SNRNP27: variants seen among roughly 807,000 people sequenced by gnomAD.
The protein encoded by SNRNP27 is small nuclear ribonucleoprotein U4/U6.U5 subunit 27.
Under a neutral mutation model 25.1 loss-of-function variants are expected in SNRNP27, and 22 were observed. That is an observed-to-expected ratio of 0.88 (90% confidence interval 0.63 to 1.25). The LOEUF (loss-of-function observed/expected upper bound fraction) is 1.25, where lower values mean the gene tolerates loss of function less well. SNRNP27 is among the 50% of genes most tolerant of loss of function. The pLI is 0.00. For synonymous variants in SNRNP27, 66 were observed against 64.9 expected, an observed-to-expected ratio of 1.02 and a Z score of -0.08; for missense variants, 150 against 202.3, an observed-to-expected ratio of 0.74 and a Z score of 1.57.
In SNRNP27 at chr2:69,904,446, A is replaced by G; in HGVS notation, c.*138A>G. On this transcript the variant is annotated 3_prime_UTR_variant, in exon 6 of 6. Coordinates refer to ENST00000244227, the MANE Select transcript of SNRNP27 (RefSeq NM_006857.3). ...GTAAAGTAAGAAAATCTTATTTATG[A>G]TATATGCAGTTAACTTACCTTGCCT... 1.4e-6 allele frequency: 1 copy of G among 734,996 alleles called. No individual in the cohort carries two copies. The highest frequency in any genetic ancestry group is 2.4e-6 in the Non-Finnish European group (1 of 413,934). 45.5% of individuals were successfully genotyped at this position (734,996 alleles called of 1,614,324 possible).
rs142103339 is a variant in SNRNP27 at position 69,896,398 on chromosome 2, G to A, written c.156-38G>A. 294 of 1,594,210 alleles carry A rather than the reference G, an allele frequency of 1.8e-4. No individual in the cohort carries two copies. The African/African-American group carries it at 3.4e-3, about 18-fold the overall frequency. On this transcript the variant is annotated intron_variant, in intron 2 of 5. Coordinates refer to ENST00000244227, the MANE Select transcript of SNRNP27 (RefSeq NM_006857.3). Reference sequence around the variant, plus strand: ...GTGCTGATTGATACAAAGTTGATATGTCTGTCTGTTTCTAACATCTTTGCT... The same window carrying A: ...GTGCTGATTGATACAAAGTTGATATATCTGTCTGTTTCTAACATCTTTGCT...
At chr2:69,899,372 C>T (rs1177790448) in intron 4 of SNRNP27, among the ~76,000 whole-genome samples, 6 of 152,004 alleles carry the variant, frequency 3.9e-5, no homozygotes, top group Non-Finnish European at 2.9e-5. Flanking sequence ...CCAGTATAGT[C>T]ACCCATTTTC....
intron 4 of SNRNP27, among the ~76,000 whole-genome samples, chr2:69,901,188 A>G (rs918706011): frequency 2.0e-5 from 3 of 151,896 alleles, no homozygotes; most frequent in Non-Finnish European, 4.4e-5. Flanking sequence ...AAAAAAAGAA[A>G]GAAAGAAAGA....
chr2:69,897,583 G>C (rs1573388924), intron 4 of SNRNP27, 127 bp downstream of exon 4: 8 of 745,616 alleles, frequency 1.1e-5, no homozygotes, highest in Non-Finnish European at 1.6e-5. Flanking sequence ...GAAGGGCTTT[G>C]AGAATACAAA....
At position 69,898,713 on chromosome 2, in the gene SNRNP27, G is replaced by A. The variant is rs149145356; in HGVS notation, c.348+1257G>A. Among the ~76,000 whole-genome samples the A allele has an allele frequency of 4.3e-3, 647 of 152,222 alleles. 6 individuals carry two copies. Among genetic ancestry groups the A allele is most frequent in the African/African-American group, 0.013 (552 of 41,528 alleles). On this transcript the variant is annotated intron_variant, in intron 4 of 5. Coordinates refer to ENST00000244227, the MANE Select transcript of SNRNP27 (RefSeq NM_006857.3). ...ACAGTGTGTAACTTAGGAGTACTGAGGCATGACTGTTTTGAGGTGAGAAAT... is the reference window on the plus strand; with the variant it reads ...ACAGTGTGTAACTTAGGAGTACTGAAGCATGACTGTTTTGAGGTGAGAAAT...
chr2:69,896,387 A>G (rs1181350993), intron 2 of SNRNP27, 49 bp from the exon 3 acceptor site: 5 of 1,570,340 alleles, frequency 3.2e-6, no homozygotes, highest in South Asian at 1.1e-5. Context: ...TGATTGATAC[A>G]AAGTTGATAT....
In SNRNP27 at chr2:69,903,182, G is replaced by A. The variant is rs373638209; in HGVS notation, c.350G>A (p.Gly117Asp). The change falls in exon 5 of 6, where the codon GGT becomes GAT. Residue 117 changes from glycine (G) to aspartate (D), a missense_variant and splice_region_variant. This residue lies in a region of SNRNP27 where 142 missense variants were observed against 168.6 expected (regional missense o/e 0.84). Transcript: ENST00000244227. ...MGFASFDSTK[G>D]KKVDGSVNAY... ...TGTTTGTTTATTGTTTTTCTTCAGG[G>A]TAAGAAGGTGGATGGCTCTGTAAAT... 1.2e-6 allele frequency: 2 copies of A among 1,611,640 alleles called. No individual in the cohort carries two copies. Among genetic ancestry groups the A allele is most frequent in the Non-Finnish European group, 1.7e-6 (2 of 1,178,012 alleles).
intron 3 of SNRNP27, among the ~76,000 whole-genome samples, chr2:69,896,911 T>C (rs1370862193): frequency 1.3e-5 from 2 of 152,140 alleles, no homozygotes; most frequent in African/African-American, 4.8e-5. Context: ...TGACCTCAGG[T>C]GATCCTCCCG....
chr2:69,903,029 A>G (rs1225771248), intron 4 of SNRNP27, 152 bp from the exon 5 acceptor site: 1 of 636,214 alleles, frequency 1.6e-6, no homozygotes. Flanking sequence ...TGCAGTCCCA[A>G]ACTCCTGGGC....
chr2:69,897,277 C>A (rs1385203641), intron 3 of SNRNP27, 100 bp from the exon 4 acceptor site: 1 of 752,506 alleles, frequency 1.3e-6, no homozygotes, highest in South Asian at 1.7e-5. Flanking sequence ...GTGTTCTCTG[C>A]TAGTGAGGTG....
intron 5 of SNRNP27, 108 bp from the exon 6 acceptor site, chr2:69,904,146 T>A: frequency 1.5e-6 from 1 of 668,078 alleles, no homozygotes; most frequent in Non-Finnish European, 2.6e-6. Flanking sequence ...CCCTAGACTT[T>A]GCTATTATAA....
chr2:69,901,244 T>G (rs1489744383), intron 4 of SNRNP27, among the ~76,000 whole-genome samples: 1 of 151,706 alleles, frequency 6.6e-6, no homozygotes, highest in African/African-American at 2.4e-5. Context: ...TTTTCAGCAG[T>G]TAGAGAAGAG....
intron 5 of SNRNP27, 54 bp from the exon 6 acceptor site, chr2:69,904,200 A>G (rs1371061367): frequency 1.8e-6 from 2 of 1,139,038 alleles, no homozygotes; most frequent in East Asian, 2.6e-5. Flanking sequence ...TTTTTTTTTT[A>G]TAAGAGGAGT....
chr2:69,902,271 T>C (rs1246171205), intron 4 of SNRNP27, among the ~76,000 whole-genome samples: 1 of 140,688 alleles, frequency 7.1e-6, no homozygotes, highest in Non-Finnish European at 1.6e-5. Context: ...TTCTTCTCCT[T>C]CCTCCTCCTC....
rs1291715871 is a variant in SNRNP27 at position 69,903,218 on chromosome 2, TAA to T, written c.388_389del (p.Asn130CysfsTer51). 1 of 1,613,216 alleles carries T rather than the reference TAA, an allele frequency of 6.2e-7. No homozygotes were observed. The highest frequency in any genetic ancestry group is 1.7e-5 in the Admixed American group (1 of 60,016). ...GATGGCTCTGTAAATGCCTATGCCATAAATGTCTCTCAGAAGAGGAAGTACAG... is the reference window on the plus strand; with the variant it reads ...GATGGCTCTGTAAATGCCTATGCCATATGTCTCTCAGAAGAGGAAGTACAG... On this transcript the variant is annotated frameshift_variant, in exon 5 of 6. Coordinates refer to ENST00000244227, the MANE Select transcript of SNRNP27 (RefSeq NM_006857.3). LOFTEE classifies it high-confidence loss of function.
rs368928702 is a variant in SNRNP27 at position 69,902,840 on chromosome 2, T to G, written c.349-341T>G. On this transcript the variant is annotated intron_variant, in intron 4 of 5. Transcript: ENST00000244227. ...TTCCGCTGCTGCCGCTGCCGCTTCT[T>G]CTGCTGCTTCTCCTTCTCCTCCTCC... 1.6e-4 allele frequency among the ~76,000 whole-genome samples: 25 copies of G among 151,918 alleles called. No individual in the cohort carries two copies. In the East Asian group the frequency reaches 3.7e-3, roughly 22 times the overall value.
In SNRNP27 at chr2:69,893,997, C is replaced by A. The variant is rs768600088; in HGVS notation, c.13C>A (p.Arg5Ser). The A allele has an allele frequency of 6.2e-7, 1 of 1,613,998 alleles. No homozygotes were observed. Among genetic ancestry groups the A allele is most frequent in the Non-Finnish European group, 8.5e-7 (1 of 1,179,970 alleles). Residue 5 changes from arginine (R) to serine (S), a missense_variant, in exon 1 of 6, where the codon CGC becomes AGC. Coordinates refer to ENST00000244227, the MANE Select transcript of SNRNP27 (RefSeq NM_006857.3). Reference sequence around the variant, plus strand: ...AGCGGGACTCCAAATGGGTCGCAGTCGCAGCCGCTCTCCACGGAGGGGTGA... The same window carrying A: ...AGCGGGACTCCAAATGGGTCGCAGTAGCAGCCGCTCTCCACGGAGGGGTGA... Reference protein sequence around the residue: MGRSRSRSPRRERRR... With the variant: MGRSSSRSPRRERRR...
At chr2:69,904,082 T>C (rs1003824286) in intron 5 of SNRNP27, among the ~76,000 whole-genome samples, 172 bp from the exon 6 acceptor site, 2 of 152,138 alleles carry the variant, frequency 1.3e-5, no homozygotes, top group African/African-American at 4.8e-5. Flanking sequence ...TTTGGTTTAT[T>C]TTGAAAGTAA....
chr2:69,899,511 C>A (rs1300799825), intron 4 of SNRNP27, among the ~76,000 whole-genome samples: 1 of 152,110 alleles, frequency 6.6e-6, no homozygotes, highest in Admixed American at 6.5e-5. Context: ...CTCACTGCTA[C>A]CTCCGCCTCC....
Sources: gnomAD v4.1 joint callset for allele counts (sites outside exome capture counted in the v4.1 genomes callset) on GRCh38, gnomAD v4.1.1 for gene constraint, gnomAD v4.1.1 regional missense constraint, MANE v1.5 for transcripts, NCBI Gene and HGNC (gene_info 2026-07-23, HGNC 2026-07-21) for gene names.